Variants in LINGO2 observed in about 807,000 individuals in gnomAD.
The protein encoded by LINGO2 is leucine rich repeat and Ig domain containing 2.
LINGO2 carries 14 observed loss-of-function variants against 30.6 expected under a neutral mutation model. The ratio of observed to expected loss-of-function variants is 0.46; its 90% CI spans 0.30 to 0.72. The LOEUF is 0.72. Among genes scored for constraint, LINGO2 ranks in the 30% least tolerant of loss-of-function variants. The pLI is 0.07. For missense variants in LINGO2, 729 were observed against 751.7 expected, an observed-to-expected ratio of 0.97 and a Z score of 0.35; for synonymous variants, 317 against 288.5, an observed-to-expected ratio of 1.10 and a Z score of -1.00.
At chr9:28,325,294 C>T (rs1352308015) in intron 3 of LINGO2, among the ~76,000 whole-genome samples, 2 of 152,132 alleles carry the variant, frequency 1.3e-5, no homozygotes, top group Non-Finnish European at 2.9e-5. Flanking sequence ...AGTTACACAA[C>T]TTAGAAAAGT....
At chr9:28,981,690 C>G in the LINGO2 span, among the ~76,000 whole-genome samples, 1 of 152,228 alleles carries the variant, frequency 6.6e-6, no homozygotes, top group South Asian at 2.1e-4. Context: ...CCCACCATCT[C>G]TACCACATAT....
the LINGO2 span, among the ~76,000 whole-genome samples, chr9:28,773,366 G>GAAAAAA: frequency 7.6e-6 from 1 of 132,230 alleles, no homozygotes; most frequent in African/African-American, 2.8e-5. Flanking sequence ...CTCCATCTCA[G>GAAAAAA]AAAAAAAAAA....
At chr9:28,816,308 G>A in the LINGO2 span, among the ~76,000 whole-genome samples, 2 of 152,182 alleles carry the variant, frequency 1.3e-5, no homozygotes, top group Non-Finnish European at 2.9e-5. Flanking sequence ...TTTTCTCTGA[G>A]CAATTTTGCC....
intron 4 of LINGO2, among the ~76,000 whole-genome samples, chr9:28,099,816 C>G (rs1163008132): frequency 2.6e-5 from 4 of 152,148 alleles, no homozygotes; most frequent in Non-Finnish European, 5.9e-5. Context: ...TTCTCCACCA[C>G]TGCCCCCAAA....
chr9:28,068,897 A>T (rs1825392433), intron 4 of LINGO2, among the ~76,000 whole-genome samples: 1 of 152,156 alleles, frequency 6.6e-6, no homozygotes, highest in South Asian at 2.1e-4. Flanking sequence ...CCATGTGCTT[A>T]CTATAATCAC....
chr9:28,629,512 C>T (rs142548109), intron 1 of LINGO2, among the ~76,000 whole-genome samples: 1 of 151,998 alleles, frequency 6.6e-6, no homozygotes, highest in African/African-American at 2.4e-5. Flanking sequence ...ATATGTTTTG[C>T]CCATCTTTGA....
At chr9:28,966,320 C>T in the LINGO2 span, among the ~76,000 whole-genome samples, 32 of 111,958 alleles carry the variant, frequency 2.9e-4, no homozygotes, top group Non-Finnish European at 5.7e-4. Flanking sequence ...GTTAGAGAAT[C>T]ACACAGTAAT....
rs531111755 is a variant in LINGO2 at position 28,253,822 on chromosome 9, G to T, written c.-87+41386C>A. 2.6e-5 allele frequency among the ~76,000 whole-genome samples: 4 copies of T among 152,080 alleles called. No homozygotes were observed. The South Asian group carries it at 8.3e-4, about 32-fold the overall frequency. On this transcript the variant is annotated intron_variant, in intron 4 of 5. Coordinates refer to ENST00000379992, the Ensembl canonical transcript of LINGO2. ...TAATGAGACAGCTAAGTGTAAGCGG[G>T]TCCCCGGAAAAACTCCAACCAGCCT...
chr9:29,139,081 C>G, the LINGO2 span, among the ~76,000 whole-genome samples: 3 of 152,146 alleles, frequency 2.0e-5, no homozygotes, highest in African/African-American at 7.2e-5. Flanking sequence ...ATGTGAGCAG[C>G]CTTTATGGAG....
In LINGO2 at chr9:28,048,688, A is replaced by C. The variant is rs576050457; in HGVS notation, c.-86-36283T>G. On this transcript the variant is annotated intron_variant, in intron 4 of 5. Transcript: ENST00000379992. Reference sequence around the variant, plus strand: ...GCACAGAACACTTATCTACGATGCCAAAAGGCTGAAAATAGCATAAATGTC... The same window carrying C: ...GCACAGAACACTTATCTACGATGCCCAAAGGCTGAAAATAGCATAAATGTC... Among the ~76,000 whole-genome samples the C allele has an allele frequency of 1.3e-5, 2 of 151,114 alleles. 1 individual carries two copies. Among genetic ancestry groups the C allele is most frequent in the Admixed American group, 1.3e-4 (2 of 15,052 alleles).
intron 1 of LINGO2, among the ~76,000 whole-genome samples, chr9:28,587,494 G>GC (rs1824615397): frequency 6.6e-6 from 1 of 151,962 alleles, no homozygotes; most frequent in African/African-American, 2.4e-5. Context: ...TCTCAGATAG[G>GC]CTGGTGTGAG....
chr9:28,339,490 C>T (rs1405905190), intron 3 of LINGO2, among the ~76,000 whole-genome samples: 1 of 152,082 alleles, frequency 6.6e-6, no homozygotes, highest in Non-Finnish European at 1.5e-5. Flanking sequence ...AAATAGTAAG[C>T]TCTCAGTGAG....
At chr9:28,960,751 A>G in the LINGO2 span, among the ~76,000 whole-genome samples, 1 of 150,672 alleles carries the variant, frequency 6.6e-6, no homozygotes, top group African/African-American at 2.4e-5. Context: ...AACCACTTCT[A>G]TGATCAGTAT....
chr9:28,042,303 A>C (rs956503164), intron 4 of LINGO2, among the ~76,000 whole-genome samples: 1 of 152,142 alleles, frequency 6.6e-6, no homozygotes, highest in African/African-American at 2.4e-5. Flanking sequence ...TCACCCCTAC[A>C]ACTTGCTCCC....
intron 4 of LINGO2, among the ~76,000 whole-genome samples, chr9:28,239,428 A>G (rs1465431133): frequency 6.6e-6 from 1 of 152,156 alleles, no homozygotes; most frequent in Admixed American, 6.6e-5. Context: ...TATTAAAAAT[A>G]TCATTCATCA....
rs1827334248 is a variant in LINGO2, at chr9:28,129,804, G to T, written c.-86-117399C>A. 1 of 152,048 alleles carries T rather than the reference G, an allele frequency of 6.6e-6. No homozygotes were observed. The highest frequency in any genetic ancestry group is 2.4e-5 in the African/African-American group (1 of 41,408). The allele number at this position is 152,048 out of a possible 1,614,324, so 9.4% of individuals were successfully genotyped here. A position where few individuals can be genotyped will look rare whatever the true frequency, so the allele number is the denominator to read the frequency against. On this transcript the variant is annotated intron_variant, in intron 4 of 5. Coordinates refer to ENST00000379992, the Ensembl canonical transcript of LINGO2. The surrounding 1 kb of genome is among the most constrained non-coding windows in gnomAD (Gnocchi z 4.0). ...GTCATAAGCTTTTATTTTTTATATT[G>T]TTTATTTTTGGTTTAAGAAGGTGAA...
intron 2 of LINGO2, among the ~76,000 whole-genome samples, chr9:28,434,661 C>G (rs1823847317): frequency 6.6e-6 from 1 of 152,034 alleles, no homozygotes; most frequent in Admixed American, 6.6e-5. Flanking sequence ...CTCTTATGCT[C>G]TCAAGGCCAA....
At chr9:29,213,261 C>A in the LINGO2 span, among the ~76,000 whole-genome samples, 2 of 152,148 alleles carry the variant, frequency 1.3e-5, no homozygotes, top group Non-Finnish European at 2.9e-5. Flanking sequence ...CAGTTGCGGC[C>A]GCTCCTCTTG....
At chr9:28,473,125 TA>T (rs1197925695) in intron 2 of LINGO2, among the ~76,000 whole-genome samples, 1 of 152,132 alleles carries the variant, frequency 6.6e-6, no homozygotes, top group African/African-American at 2.4e-5. Context: ...GAGATTGTGA[TA>T]AAAATCTATT....
Sources: gnomAD v4.1 joint callset for allele counts (sites outside exome capture counted in the v4.1 genomes callset) on GRCh38, gnomAD v4.1.1 for gene constraint, Gnocchi (gnomAD v3.1) non-coding constraint, MANE v1.5 for transcripts, NCBI Gene and HGNC (gene_info 2026-07-23, HGNC 2026-07-21) for gene names.